KAT7: variants seen among roughly 807,000 people sequenced by gnomAD.
KAT7 encodes histone acetyltransferase KAT7.
In KAT7, 10 loss-of-function variants were observed where a neutral mutation model predicts 82.1. The ratio of observed to expected loss-of-function variants is 0.12; its 90% CI spans 0.08 to 0.21. KAT7 has a LOEUF of 0.21. KAT7 is among the 10% of genes least tolerant of loss of function. KAT7 has a pLI of 1.00. For synonymous variants in KAT7, 250 were observed against 262.5 expected, an observed-to-expected ratio of 0.95 and a Z score of 0.46; for missense variants, 378 against 760.9, an observed-to-expected ratio of 0.50 and a Z score of 5.92.
chr17:49,834,171 AG>A lies in KAT7; in HGVS notation c.*6672del, dbSNP rs1272897363. On this transcript the variant is annotated 3_prime_UTR_variant, in exon 15 of 15. Coordinates refer to ENST00000259021, the MANE Select transcript of KAT7 (RefSeq NM_007067.5). ...TTATTGATTGATCGATTTATGAGAC[AG>A]GGTCTCCTTCTGTCACCCAGGCTGG... 6.6e-6 allele frequency: 1 copy of A among 152,252 alleles called. No homozygotes were observed. The highest frequency in any genetic ancestry group is 1.9e-4 in the East Asian group (1 of 5,202). The allele number at this position is 152,252 out of a possible 1,614,324, so 9.4% of individuals were successfully genotyped here. A position where few individuals can be genotyped will look rare whatever the true frequency, so the allele number is the denominator to read the frequency against.
intron 8 of KAT7, 90 bp from the exon 9 acceptor site, chr17:49,817,730 G>A: frequency 9.8e-7 from 1 of 1,020,884 alleles, no homozygotes; most frequent in South Asian, 1.5e-5. Flanking sequence ...GCCTCCCAAA[G>A]TGTTGGGATT....
In KAT7 at chr17:49,833,081, C is replaced by G. The variant is rs1486374943; in HGVS notation, c.*5579C>G. On this transcript the variant is annotated 3_prime_UTR_variant, in exon 15 of 15. Transcript: ENST00000259021. ...CAGCGATGAGAAATGTCCCTGGTGC[C>G]AAAACATCAGTTTGCCCCTAACCTC... The G allele has an allele frequency of 6.6e-6, 1 of 152,288 alleles. No individual in the cohort carries two copies. Among genetic ancestry groups the G allele is most frequent in the Middle Eastern group, 3.4e-3 (1 of 292 alleles). The allele number at this position is 152,288 out of a possible 1,614,324, so 9.4% of individuals were successfully genotyped here.
chr17:49,830,186 T>A lies in KAT7; in HGVS notation c.*2684T>A, dbSNP rs1377235552. The A allele has an allele frequency of 2.3e-5, 3 of 131,534 alleles. No homozygotes were observed. The highest frequency in any genetic ancestry group is 1.0e-4 in the African/African-American group (3 of 29,738). 8.1% of individuals were successfully genotyped at this position (131,534 alleles called of 1,614,324 possible). On this transcript the variant is annotated 3_prime_UTR_variant, in exon 15 of 15. Transcript: ENST00000259021. ...AGCCACTGCACCCGACCTATTTTTT[T>A]TTTTTTTTTTTTTTTTTTTTTTAAA... is the stretch of plus-strand genomic sequence containing the variant.
At position 49,796,759 on chromosome 17, in the gene KAT7, C is replaced by A. The variant is rs1249082930; in HGVS notation, c.173C>A (p.Pro58His). The A allele has an allele frequency of 6.3e-7, 1 of 1,599,238 alleles. No individual in the cohort carries two copies. The highest frequency in any genetic ancestry group is 1.1e-5 in the South Asian group (1 of 89,166). The change falls in exon 3 of 15, where the codon CCT becomes CAT. Residue 58 changes from proline (P) to histidine (H), a missense_variant. Pro to His is a moderately conservative substitution (Grantham distance 77, BLOSUM62 -2). Coordinates refer to ENST00000259021, the MANE Select transcript of KAT7 (RefSeq NM_007067.5). Reference protein sequence around the residue: ...RLSQSSQDSSPVRNLQSFGTE... With the variant: ...RLSQSSQDSSHVRNLQSFGTE... ...TTAAAATTGGGATCAGATTCCAGTC[C>A]TGTTCGAAATCTGCAGTCTTTTGGC...
At chr17:49,803,111 CA>C (rs970669581) in intron 4 of KAT7, among the ~76,000 whole-genome samples, 3 of 150,818 alleles carry the variant, frequency 2.0e-5, no homozygotes, top group African/African-American at 7.3e-5. Context: ...TCTAAAATTG[CA>C]TTTTTTTTTT....
At chr17:49,806,822 C>T (rs1420861746) in intron 5 of KAT7, among the ~76,000 whole-genome samples, 1 of 152,164 alleles carries the variant, frequency 6.6e-6, no homozygotes, top group Non-Finnish European at 1.5e-5. Context: ...TGAATTTATC[C>T]TCTTTGTTCT....
intron 1 of KAT7, among the ~76,000 whole-genome samples, chr17:49,791,514 T>C (rs2073888912): frequency 6.6e-6 from 1 of 152,012 alleles, no homozygotes; most frequent in African/African-American, 2.4e-5. Flanking sequence ...AAAAATTAGC[T>C]GGGCATGGTG....
At chr17:49,806,870 A>G (rs531250377) in intron 5 of KAT7, among the ~76,000 whole-genome samples, 12 of 152,336 alleles carry the variant, frequency 7.9e-5, no homozygotes, top group East Asian at 1.9e-4. Flanking sequence ...AGAATAATCC[A>G]TCTTTACTAC....
chr17:49,819,220 C>T (rs1275776731), intron 9 of KAT7, among the ~76,000 whole-genome samples: 2 of 152,210 alleles, frequency 1.3e-5, no homozygotes, highest in African/African-American at 4.8e-5. Flanking sequence ...TTTTTATGTT[C>T]CCAGTTCAGG....
intron 4 of KAT7, among the ~76,000 whole-genome samples, chr17:49,799,810 G>A (rs978235526): frequency 1.3e-5 from 2 of 151,166 alleles, no homozygotes; most frequent in African/African-American, 2.4e-5. Flanking sequence ...CTACAGGCAC[G>A]TGGCTTTCAA....
At chr17:49,816,994 C>T (rs1406097354) in intron 8 of KAT7, among the ~76,000 whole-genome samples, 1 of 152,036 alleles carries the variant, frequency 6.6e-6, no homozygotes, top group African/African-American at 2.4e-5. Flanking sequence ...TTTCTGCCTT[C>T]TAGAGTTTAG....
At chr17:49,800,203 G>A (rs2074007045) in intron 4 of KAT7, among the ~76,000 whole-genome samples, 1 of 151,914 alleles carries the variant, frequency 6.6e-6, no homozygotes, top group Non-Finnish European at 1.5e-5. Flanking sequence ...AGTAGAGATG[G>A]GGATTCACCG....
intron 5 of KAT7, among the ~76,000 whole-genome samples, chr17:49,806,625 T>C (rs2074094962): frequency 6.6e-6 from 1 of 152,218 alleles, no homozygotes; most frequent in Non-Finnish European, 1.5e-5. Flanking sequence ...CCTCTACCAC[T>C]TGTCTCTAAA....
chr17:49,817,551 C>A (rs1471186191), intron 8 of KAT7, among the ~76,000 whole-genome samples: 1 of 152,254 alleles, frequency 6.6e-6, no homozygotes, highest in Non-Finnish European at 1.5e-5. Context: ...CGGTTCACCG[C>A]AGCCTCTGCC....
At position 49,790,773 on chromosome 17, in the gene KAT7, C is replaced by T. The variant is rs182491730; in HGVS notation, c.16-1113C>T. ...ATTTGCAGGATACATGCAAAGTACT[C>T]CCCTTCTAAAAATCCAAAACAATTA... On this transcript the variant is annotated intron_variant, in intron 1 of 14. Coordinates refer to ENST00000259021, the MANE Select transcript of KAT7 (RefSeq NM_007067.5). Among the ~76,000 whole-genome samples the T allele has an allele frequency of 1.9e-3, 293 of 152,262 alleles. 2 individuals carry two copies. Among genetic ancestry groups the T allele is most frequent in the African/African-American group, 6.8e-3 (283 of 41,548 alleles).
At chr17:49,819,343 G>A (rs1222652100) in intron 9 of KAT7, among the ~76,000 whole-genome samples, 1 of 152,142 alleles carries the variant, frequency 6.6e-6, no homozygotes, top group East Asian at 1.9e-4. Flanking sequence ...GTGATTGGCG[G>A]CGATTGGTAG....
chr17:49,826,468 A>G (rs2074369959), intron 13 of KAT7: 1 of 529,688 alleles, frequency 1.9e-6, no homozygotes, highest in South Asian at 2.4e-5. Flanking sequence ...TCTATATTTG[A>G]TCCTGATTTC....
At chr17:49,793,007 C>G (rs998070823) in intron 2 of KAT7, among the ~76,000 whole-genome samples, 3 of 152,066 alleles carry the variant, frequency 2.0e-5, no homozygotes, top group Non-Finnish European at 2.9e-5. Flanking sequence ...GAGATGAGGT[C>G]TTATTATGTT....
chr17:49,825,878 T>G lies in KAT7; in HGVS notation c.1481-122T>G, dbSNP rs916330427. ...GTTAACCACACAGTATTCCATTGAA[T>G]GACTAAATCCTAATGGAGTGGACTG... is the stretch of plus-strand genomic sequence containing the variant. On this transcript the variant is annotated intron_variant, in intron 12 of 14. Coordinates refer to ENST00000259021, the MANE Select transcript of KAT7 (RefSeq NM_007067.5). 3 of 966,766 alleles carry G rather than the reference T, an allele frequency of 3.1e-6. No individual in the cohort carries two copies. In the African/African-American group the frequency reaches 4.9e-5, roughly 16 times the overall value. 59.9% of individuals were successfully genotyped at this position (966,766 alleles called of 1,614,324 possible).
Sources: gnomAD v4.1 joint callset for allele counts (sites outside exome capture counted in the v4.1 genomes callset) on GRCh38, gnomAD v4.1.1 for gene constraint, MANE v1.5 for transcripts, NCBI Gene and HGNC (gene_info 2026-07-23, HGNC 2026-07-21) for gene names.